TSPAN9: variants seen among roughly 807,000 people sequenced by gnomAD.
TSPAN9 encodes tetraspanin 9.
In TSPAN9, 16 loss-of-function variants were observed where a neutral mutation model predicts 31.0. That is an observed-to-expected ratio of 0.52 (90% CI 0.35 to 0.78). The LOEUF (loss-of-function observed/expected upper bound fraction) is 0.78. Among genes scored for constraint, TSPAN9 ranks in the 30% least tolerant of loss-of-function variants. The pLI, the probability that TSPAN9 is intolerant of heterozygous loss-of-function variation, is 0.01. For synonymous variants in TSPAN9, 145 were observed against 121.6 expected, an observed-to-expected ratio of 1.19 and a Z score of -1.27; for missense variants, 272 against 312.5, an observed-to-expected ratio of 0.87 and a Z score of 0.98.
chr12:3,213,723 G>C (rs77448851), intron 3 of TSPAN9, among the ~76,000 whole-genome samples: 2 of 152,154 alleles, frequency 1.3e-5, no homozygotes, highest in Non-Finnish European at 1.5e-5. Flanking sequence ...AAGCCACTCC[G>C]TAGAGGGCTG....
chr12:3,229,823 C>T (rs1239743378), intron 3 of TSPAN9, among the ~76,000 whole-genome samples: 8 of 152,260 alleles, frequency 5.3e-5, no homozygotes, highest in Non-Finnish European at 4.4e-5. Flanking sequence ...CTCTGCCCAG[C>T]AGCCTTCTCT....
chr12:3,115,829 C>T lies in TSPAN9; in HGVS notation c.-18+32110C>T, dbSNP rs377750652. On this transcript the variant is annotated intron_variant, in intron 2 of 8. Coordinates refer to ENST00000011898, the MANE Select transcript of TSPAN9 (RefSeq NM_006675.5). ...ATTCAGTCTGTAGCACTGGGTCATA[C>T]GATAACTGTGTGTTGAACTGTTTAA... Among the ~76,000 whole-genome samples the T allele has an allele frequency of 1.1e-4, 16 of 152,324 alleles. No homozygotes were observed. In the East Asian group the frequency reaches 1.4e-3, roughly 13 times the overall value.
At chr12:3,179,102 C>G (rs765122308) in intron 2 of TSPAN9, among the ~76,000 whole-genome samples, 1 of 152,182 alleles carries the variant, frequency 6.6e-6, no homozygotes, top group Non-Finnish European at 1.5e-5. Context: ...TAGACAGGAA[C>G]TATCAGGAGC....
intron 2 of TSPAN9, among the ~76,000 whole-genome samples, chr12:3,121,968 C>T (rs1184405012): frequency 6.6e-6 from 1 of 152,174 alleles, no homozygotes; most frequent in Non-Finnish European, 1.5e-5. Context: ...TTGAGTCTGT[C>T]TGACTTTAAA....
intron 3 of TSPAN9, among the ~76,000 whole-genome samples, chr12:3,271,634 G>T (rs1250669938): frequency 6.6e-6 from 1 of 152,034 alleles, no homozygotes; most frequent in East Asian, 1.9e-4. Context: ...CCACCCCATG[G>T]TTCCAAGGTG....
intron 3 of TSPAN9, among the ~76,000 whole-genome samples, chr12:3,235,566 G>T (rs1160428175): frequency 6.6e-6 from 1 of 152,042 alleles, no homozygotes; most frequent in Non-Finnish European, 1.5e-5. Context: ...ATGTCACCAG[G>T]GGCTACATGG....
chr12:3,192,120 G>A lies in TSPAN9; in HGVS notation c.-17-9057G>A, dbSNP rs975469218. ...ATGGGTGAGCAGAGAATGTTGGACG[G>A]GGGCTGGAGAGAAAGGCAGGGATCA... On this transcript the variant is annotated intron_variant, in intron 2 of 8. Coordinates refer to ENST00000011898, the MANE Select transcript of TSPAN9 (RefSeq NM_006675.5). The surrounding 1 kb of genome is among the most constrained non-coding windows in gnomAD (Gnocchi z 4.6). Among the ~76,000 whole-genome samples the A allele has an allele frequency of 1.3e-5, 2 of 152,096 alleles. No individual in the cohort carries two copies. The highest frequency in any genetic ancestry group is 4.8e-5 in the African/African-American group (2 of 41,406).
intron 2 of TSPAN9, among the ~76,000 whole-genome samples, chr12:3,160,300 A>G (rs887060205): frequency 8.5e-5 from 13 of 152,362 alleles, no homozygotes; most frequent in African/African-American, 3.1e-4. Context: ...ATTACGCAAT[A>G]ATATTTCATT....
At chr12:3,169,532 A>G (rs1381235424) in intron 2 of TSPAN9, among the ~76,000 whole-genome samples, 1 of 152,232 alleles carries the variant, frequency 6.6e-6, no homozygotes, top group Non-Finnish European at 1.5e-5. Flanking sequence ...TAAGGACCAC[A>G]TGAGTTAATG....
intron 8 of TSPAN9, 62 bp downstream of exon 8, chr12:3,281,879 A>G: frequency 6.4e-7 from 1 of 1,559,044 alleles, no homozygotes; most frequent in African/African-American, 1.4e-5. Flanking sequence ...GAGGGAAGGA[A>G]GCACAGAGAA....
rs1245737805 is a variant in TSPAN9 at position 3,172,236 on chromosome 12, T to G, written c.-17-28941T>G. On this transcript the variant is annotated intron_variant, in intron 2 of 8. Coordinates refer to ENST00000011898, the MANE Select transcript of TSPAN9 (RefSeq NM_006675.5). The surrounding 1 kb of genome is among the most constrained non-coding windows in gnomAD (Gnocchi z 4.8). ...CCCTTCCCCCGCCCCCACCCCAGCC[T>G]CAGCTCTCAGCGCACTGCTGGGGAG... The G allele has an allele frequency of 1.3e-5, 2 of 152,156 alleles. No homozygotes were observed. The highest frequency in any genetic ancestry group is 2.9e-5 in the Non-Finnish European group (2 of 68,030). 9.4% of individuals were successfully genotyped at this position (152,156 alleles called of 1,614,324 possible). A position where few individuals can be genotyped will look rare whatever the true frequency, so the allele number is the denominator to read the frequency against.
At chr12:3,119,123 C>T (rs1355728457) in intron 2 of TSPAN9, among the ~76,000 whole-genome samples, 1 of 152,166 alleles carries the variant, frequency 6.6e-6, no homozygotes, top group East Asian at 1.9e-4. Context: ...TGGGTATTCT[C>T]CAAGCTGGTT....
chr12:3,154,592 C>G (rs1591651135), intron 2 of TSPAN9, among the ~76,000 whole-genome samples: 1 of 152,238 alleles, frequency 6.6e-6, no homozygotes, highest in South Asian at 2.1e-4. Flanking sequence ...TCCTCCCTCT[C>G]TTCCTTCCCT....
intron 2 of TSPAN9, among the ~76,000 whole-genome samples, chr12:3,088,188 C>G (rs552550187): frequency 1.3e-4 from 20 of 152,388 alleles, no homozygotes; most frequent in African/African-American, 4.6e-4. Flanking sequence ...TTCCACTTGT[C>G]TTAATCCTGG....
intron 2 of TSPAN9, among the ~76,000 whole-genome samples, chr12:3,152,673 C>T (rs1265598449): frequency 6.6e-6 from 1 of 152,148 alleles, no homozygotes; most frequent in African/African-American, 2.4e-5. Context: ...GCAACCTCCG[C>T]CTCCCAGGTT....
intron 3 of TSPAN9, among the ~76,000 whole-genome samples, chr12:3,235,431 G>A (rs185499400): frequency 6.6e-6 from 1 of 150,866 alleles, no homozygotes; most frequent in African/African-American, 2.4e-5. Flanking sequence ...TGGAAAAACT[G>A]CCCAATGTCT....
chr12:3,211,884 G>A (rs1263548227), intron 3 of TSPAN9: 3 of 1,593,166 alleles, frequency 1.9e-6, no homozygotes, highest in East Asian at 2.2e-5. Flanking sequence ...TCCTCTTCTG[G>A]AGAGGGATGA....
At chr12:3,191,468 C>G (rs2098364379) in intron 2 of TSPAN9, among the ~76,000 whole-genome samples, 1 of 152,124 alleles carries the variant, frequency 6.6e-6, no homozygotes, top group South Asian at 2.1e-4. Flanking sequence ...CTCCAAGGAA[C>G]CTTAGAGAAA....
At position 3,209,988 on chromosome 12, in the gene TSPAN9, T is replaced by TAAA. The variant is rs1565614937; in HGVS notation, c.63+8733_63+8734insAAA. ...AAAAAAAAAAAAAAAAAAAAAAAAT[T>TAAA]AGCCGGGTGTGGTGGCGGGTGCCTG... On this transcript the variant is annotated intron_variant, in intron 3 of 8. Transcript: ENST00000011898. Among the ~76,000 whole-genome samples the TAAA allele has an allele frequency of 4.3e-4, 14 of 32,704 alleles. 1 individual carries two copies. The highest frequency in any genetic ancestry group is 2.0e-3 in the Admixed American group (4 of 2,010). The allele number at this position is 32,704 out of a possible 152,430, so 21.5% of individuals were successfully genotyped here.
Sources: allele counts gnomAD v4.1 joint callset (sites outside exome capture counted in the v4.1 genomes callset), GRCh38; gene constraint gnomAD v4.1.1; non-coding constraint Gnocchi (gnomAD v3.1); transcripts MANE v1.5; gene names NCBI Gene and HGNC (gene_info 2026-07-23, HGNC 2026-07-21).